The following KAT6A variants were observed in gnomAD, a reference collection of about 807,000 sequenced individuals.
KAT6A encodes the protein lysine acetyltransferase 6A.
Under a neutral mutation model 198.4 loss-of-function variants are expected in KAT6A, and 9 were observed. The observed-to-expected ratio is 0.05, with a 90% confidence interval of 0.03 to 0.08. KAT6A has a LOEUF of 0.08. Among genes scored for constraint, KAT6A ranks in the 10% least tolerant of loss-of-function variants. The pLI, the probability that KAT6A is intolerant of heterozygous loss-of-function variation, is 1.00. For missense variants in KAT6A, 2,077 were observed against 2,509.9 expected (o/e 0.83, Z 3.69); for synonymous variants, 890 against 883.0 (o/e 1.01, Z -0.14).
At chr8:42,017,493 G>T in intron 2 of KAT6A, among the ~76,000 whole-genome samples, 1 of 152,014 alleles carries the variant, frequency 6.6e-6, no homozygotes, top group Non-Finnish European at 1.5e-5. Context: ...GGTAGTAGTG[G>T]GTAAGTCAAA....
chr8:42,020,493 T>C (rs1269653056), intron 2 of KAT6A, among the ~76,000 whole-genome samples: 3 of 152,326 alleles, frequency 2.0e-5, no homozygotes, highest in African/African-American at 4.8e-5. Flanking sequence ...TACTTTGTTG[T>C]TATTTCTTTG....
At chr8:42,032,922 A>G (rs1827198785) in intron 2 of KAT6A, among the ~76,000 whole-genome samples, 1 of 118,670 alleles carries the variant, frequency 8.4e-6, no homozygotes, top group Admixed American at 1.3e-4. Flanking sequence ...TCTGTTGCCC[A>G]GGCTGGAGTG....
intron 2 of KAT6A, 46 bp downstream of exon 2, chr8:42,048,332 C>T (rs745508073): frequency 5.0e-6 from 8 of 1,585,094 alleles, no homozygotes; most frequent in South Asian, 3.4e-5. Flanking sequence ...TTTGTAGCAT[C>T]CTATATCATC....
At chr8:41,943,571 T>C (rs935568309) in intron 13 of KAT6A, among the ~76,000 whole-genome samples, 177 bp downstream of exon 13, 5 of 152,172 alleles carry the variant, frequency 3.3e-5, no homozygotes, top group African/African-American at 7.2e-5. Context: ...AGACTATATA[T>C]AGACCATATA....
intron 2 of KAT6A, among the ~76,000 whole-genome samples, chr8:42,041,681 T>C (rs1827676679): frequency 6.6e-6 from 1 of 151,270 alleles, no homozygotes; most frequent in Non-Finnish European, 1.5e-5. Context: ...GAGGTTGCAG[T>C]GAGCTGAAAC....
chr8:42,010,609 T>A (rs1285739941), intron 2 of KAT6A, among the ~76,000 whole-genome samples: 1 of 152,128 alleles, frequency 6.6e-6, no homozygotes, highest in Admixed American at 6.6e-5. Flanking sequence ...GTGCAACAAG[T>A]CTGATTATCA....
intron 2 of KAT6A, among the ~76,000 whole-genome samples, chr8:42,004,025 A>G (rs1825622908): frequency 6.6e-6 from 1 of 152,220 alleles, no homozygotes; most frequent in Non-Finnish European, 1.5e-5. Context: ...GCATACTAGT[A>G]GTCAGCTAGT....
intron 2 of KAT6A, among the ~76,000 whole-genome samples, chr8:42,017,204 C>T (rs192804229): frequency 7.2e-5 from 11 of 152,268 alleles, no homozygotes; most frequent in Non-Finnish European, 1.3e-4. Flanking sequence ...GAATGAATCC[C>T]CCGCACGTTG....
intron 8 of KAT6A, chr8:41,957,382 T>C (rs10090379): frequency 0.012 from 5,808 of 465,762 alleles, 250 homozygotes; most frequent in African/African-American, 0.1. Flanking sequence ...GAGGAAGAAA[T>C]GGCTACACAG....
At chr8:41,977,504 A>C (rs1824120666) in intron 6 of KAT6A, 177 bp from the exon 7 acceptor site, 1 of 499,350 alleles carries the variant, frequency 2.0e-6, no homozygotes. Context: ...TTATTATTAG[A>C]AACATCTATT....
At chr8:41,978,862 A>C in intron 5 of KAT6A, 85 bp from the exon 6 acceptor site, 1 of 1,286,330 alleles carries the variant, frequency 7.8e-7, no homozygotes, top group Non-Finnish European at 1.1e-6. Context: ...CAGGATCTTA[A>C]CTTTTTCAGG....
intron 13 of KAT6A, 100 bp from the exon 14 acceptor site, chr8:41,943,100 G>T: frequency 1.4e-6 from 2 of 1,450,558 alleles, no homozygotes; most frequent in Non-Finnish European, 1.9e-6. Context: ...AAGATGATAG[G>T]TGCTGCAAAG....
chr8:41,974,754 T>A lies in KAT6A; in HGVS notation c.1432A>T (p.Thr478Ser), dbSNP rs1382081684. 1 of 1,610,824 alleles carries A rather than the reference T, an allele frequency of 6.2e-7. No homozygotes were observed. Among genetic ancestry groups the A allele is most frequent in the Non-Finnish European group, 8.5e-7 (1 of 1,178,372 alleles). The change falls in exon 8 of 17, where the codon ACT becomes TCT. Residue 478 changes from threonine (T) to serine (S), a missense_variant. By Grantham distance (58) the Thr-to-Ser change is moderately conservative (BLOSUM62 1). This residue lies in a region of KAT6A where 206 missense variants were observed against 214.9 expected (regional missense o/e 0.96). Transcript: ENST00000265713. ...CGAAATAATTCCATATCTTTCTCAG[T>A]CATGATTTCCTGGCTCCCAAAAAGT... The part of the protein sequence containing the change: ...ERLFGSQEIM[T>S]EKDMELFRDI...
Position 41,946,683 on chromosome 8 carries a change from T to C in KAT6A, c.1904A>G (p.Glu635Gly). The change falls in exon 12 of 17, where the codon GAA becomes GGA. Residue 635 changes from glutamate to glycine, a missense_variant and splice_region_variant. Coordinates refer to ENST00000265713, the MANE Select transcript of KAT6A (RefSeq NM_006766.5). ...ATTGTACTTCTGTTGGCAGTGCTTTTCCTGGTGGAGAAAACACAAGTCAAG... is the reference window on the plus strand; with the variant it reads ...ATTGTACTTCTGTTGGCAGTGCTTTCCCTGGTGGAGAAAACACAAGTCAAG... ...GCHLVGYFSKEKHCQQKYNVS... is the reference protein window; with the variant it reads ...GCHLVGYFSKGKHCQQKYNVS... The C allele has an allele frequency of 6.3e-7, 1 of 1,578,214 alleles. No individual in the cohort carries two copies. Among genetic ancestry groups the C allele is most frequent in the Non-Finnish European group, 8.7e-7 (1 of 1,147,714 alleles).
At chr8:42,050,031 A>G (rs1157402434) in intron 1 of KAT6A, among the ~76,000 whole-genome samples, 2 of 151,168 alleles carry the variant, frequency 1.3e-5, no homozygotes, top group Non-Finnish European at 3.0e-5. Flanking sequence ...CATATGCTGA[A>G]GAGAGTCACA....
At chr8:41,991,650 A>G (rs1156920631) in intron 2 of KAT6A, among the ~76,000 whole-genome samples, 2 of 152,192 alleles carry the variant, frequency 1.3e-5, no homozygotes, top group Non-Finnish European at 2.9e-5. Context: ...ATAGTATAGG[A>G]CCATGGTACC....
In KAT6A at chr8:41,946,664, C is replaced by T. The variant is rs374867985; in HGVS notation, c.1923G>A (p.Lys641=). Residue 641 remains lysine (K), a synonymous_variant, in exon 12 of 17, where the codon AAG becomes AAA. Transcript: ENST00000265713. The part of the protein sequence containing the change: ...YFSKEKHCQQ[K]YNVSCIMILP... ...GAATCATTATACAGGAAACATTGTACTTCTGTTGGCAGTGCTTTTCCTGGT... is the reference window on the plus strand; with the variant it reads ...GAATCATTATACAGGAAACATTGTATTTCTGTTGGCAGTGCTTTTCCTGGT... 1 of 1,604,390 alleles carries T rather than the reference C, an allele frequency of 6.2e-7. No homozygotes were observed. Among genetic ancestry groups the T allele is most frequent in the Non-Finnish European group, 8.5e-7 (1 of 1,171,314 alleles).
Position 41,932,451 on chromosome 8 carries a change from G to C in KAT6A, c.5769C>G (p.Asn1923Lys). The C allele has an allele frequency of 1.2e-6, 2 of 1,614,228 alleles. No individual in the cohort carries two copies. Among genetic ancestry groups the C allele is most frequent in the South Asian group, 1.1e-5 (1 of 91,092 alleles). Residue 1923 changes from asparagine to lysine, a missense_variant, in exon 17 of 17, where the codon AAC becomes AAG. Coordinates refer to ENST00000265713, the MANE Select transcript of KAT6A (RefSeq NM_006766.5). The part of the protein sequence containing the change: ...SMNMNTLNAM[N>K]SYRMTQPMMN... ...TCATGGGCTGTGTCATTCGATAGCT[G>C]TTCATGGCATTCAAGGTGTTCATAT...
intron 8 of KAT6A, among the ~76,000 whole-genome samples, chr8:41,959,355 C>T (rs967085818): frequency 6.6e-6 from 1 of 152,046 alleles, no homozygotes; most frequent in African/African-American, 2.4e-5. Flanking sequence ...CAGAAAATAA[C>T]AGATGTTGGT....
Sources: allele counts gnomAD v4.1 joint callset (sites outside exome capture counted in the v4.1 genomes callset), GRCh38; gene constraint gnomAD v4.1.1; regional missense constraint gnomAD v4.1.1; transcripts MANE v1.5; gene names NCBI Gene and HGNC (gene_info 2026-07-23, HGNC 2026-07-21).